The following FRRS1 variants were observed in gnomAD, a reference collection of about 807,000 sequenced individuals.
FRRS1 encodes the protein ferric reductase 1.
In FRRS1, 51 loss-of-function variants were observed where a neutral mutation model predicts 70.7. The ratio of observed to expected loss-of-function variants is 0.72; its 90% confidence interval spans 0.58 to 0.91. FRRS1 has a LOEUF of 0.91. Among genes scored for constraint, FRRS1 ranks in the 40% least tolerant of loss-of-function variants. FRRS1 has a pLI of 0.00. For missense variants in FRRS1, 672 were observed against 726.0 expected, an observed-to-expected ratio of 0.93 and a Z score of 0.86; for synonymous variants, 225 against 238.7, an observed-to-expected ratio of 0.94 and a Z score of 0.53.
intron 10 of FRRS1, 61 bp from the exon 11 acceptor site, chr1:99,717,586 GA>G (rs1654598434): frequency 8.9e-7 from 1 of 1,125,830 alleles, no homozygotes; most frequent in Non-Finnish European, 1.4e-6. Context: ...TCGCTTAAAT[GA>G]CCAAGCCAAA....
chr1:99,755,191 C>T (rs2172566), intron 1 of FRRS1, among the ~76,000 whole-genome samples: 2 of 151,740 alleles, frequency 1.3e-5, no homozygotes, highest in East Asian at 1.9e-4. Flanking sequence ...AGACTAAAGC[C>T]GGAGAATTAC....
chr1:99,742,028 TC>T (rs980863827), intron 5 of FRRS1, 150 bp downstream of exon 5: 1 of 541,820 alleles, frequency 1.8e-6, no homozygotes, highest in Non-Finnish European at 3.3e-6. Context: ...AACTTTTTTT[TC>T]CTTTTTTTAG....
In FRRS1 at chr1:99,740,910, G is replaced by T; in HGVS notation, c.459C>A (p.Tyr153Ter). The T allele has an allele frequency of 6.2e-7, 1 of 1,610,014 alleles. No individual in the cohort carries two copies. Among genetic ancestry groups the T allele is most frequent in the Non-Finnish European group, 8.5e-7 (1 of 1,176,294 alleles). ...LVTVVEKYKI[Y>*]WVKIPGPIIS... is the part of the protein sequence containing the mutation. ...TTATAGGACCAGGAATCTTCACCCA[G>T]TAGATTTTATACTTCTCAACAACTG... The change falls in exon 6 of 17, where the codon TAC (tyrosine) becomes TAA (stop). Residue 153 changes from tyrosine (Y) to a stop codon, truncating the protein, a stop_gained. Coordinates refer to ENST00000646001, the MANE Select transcript of FRRS1 (RefSeq NM_001361041.2). LOFTEE classifies it high-confidence loss of function.
At chr1:99,744,575 T>G (rs1656146304) in intron 4 of FRRS1, among the ~76,000 whole-genome samples, 1 of 151,804 alleles carries the variant, frequency 6.6e-6, no homozygotes, top group African/African-American at 2.4e-5. Flanking sequence ...TCACCTGAGG[T>G]CGGGTGTTCA....
chr1:99,706,480 A>G lies in FRRS1; in HGVS notation c.*2548T>C, dbSNP rs1327177459. 6.6e-6 allele frequency among the ~76,000 whole-genome samples: 1 copy of G among 152,216 alleles called. No individual in the cohort carries two copies. The highest frequency in any genetic ancestry group is 1.5e-5 in the Non-Finnish European group (1 of 68,038). On this transcript the variant is annotated 3_prime_UTR_variant, in exon 17 of 17. Coordinates refer to ENST00000646001, the MANE Select transcript of FRRS1 (RefSeq NM_001361041.2). ...CTGTATGTAAGTTGGCAAAGACCAA[A>G]ATAGTGCCAACATATGAAGCACTGA...
In FRRS1 at chr1:99,766,324, A is replaced by G. The variant is rs530695653; in HGVS notation, c.-106+283T>C. 2.7e-4 allele frequency among the ~76,000 whole-genome samples: 41 copies of G among 152,336 alleles called. No individual in the cohort carries two copies. In the South Asian group the frequency reaches 4.1e-3, roughly 15 times the overall value. On this transcript the variant is annotated intron_variant, in intron 1 of 16. Coordinates refer to ENST00000646001, the MANE Select transcript of FRRS1 (RefSeq NM_001361041.2). ...AAAAACTCCTGCAAGAATAAAGTCA[A>G]TGATTTTCAGGATCCCAAACACGTC...
At chr1:99,712,663 C>T (rs1654325986) in intron 12 of FRRS1, 148 bp from the exon 13 acceptor site, 1 of 545,394 alleles carries the variant, frequency 1.8e-6, no homozygotes, top group South Asian at 2.8e-5. Context: ...ATGCAACATT[C>T]ACTGAGTATA....
intron 9 of FRRS1, among the ~76,000 whole-genome samples, chr1:99,720,880 C>G (rs2100920501): frequency 7.7e-6 from 1 of 129,502 alleles, no homozygotes; most frequent in African/African-American, 3.2e-5. Flanking sequence ...CACACACACA[C>G]ACAGAAATCA....
At chr1:99,720,302 T>C (rs1038101720) in intron 9 of FRRS1, among the ~76,000 whole-genome samples, 4 of 151,772 alleles carry the variant, frequency 2.6e-5, no homozygotes, top group Non-Finnish European at 4.4e-5. Context: ...CTGTGTGTGT[T>C]CTTTCTAGGA....
chr1:99,720,352 G>C (rs963784002), intron 9 of FRRS1, among the ~76,000 whole-genome samples: 1 of 152,038 alleles, frequency 6.6e-6, no homozygotes, highest in Non-Finnish European at 1.5e-5. Flanking sequence ...AATGTTTATA[G>C]CAATGTTTTC....
At chr1:99,740,424 A>G (rs762201347) in intron 6 of FRRS1, among the ~76,000 whole-genome samples, 2 of 152,224 alleles carry the variant, frequency 1.3e-5, no homozygotes, top group Non-Finnish European at 2.9e-5. Flanking sequence ...ACTACCCAGC[A>G]CAGCTACTTC....
chr1:99,749,256 C>T (rs191839734), intron 1 of FRRS1, among the ~76,000 whole-genome samples: 90 of 152,230 alleles, frequency 5.9e-4, no homozygotes, highest in African/African-American at 1.9e-3. Context: ...GAACTCCTGA[C>T]CTTAGGTGAT....
At position 99,706,862 on chromosome 1, in the gene FRRS1, A is replaced by C. The variant is rs2100890502; in HGVS notation, c.*2166T>G. 6.6e-6 allele frequency among the ~76,000 whole-genome samples: 1 copy of C among 152,020 alleles called. No homozygotes were observed. Among genetic ancestry groups the C allele is most frequent in the East Asian group, 1.9e-4 (1 of 5,186 alleles). ...AGCCAACATTGCACCACTGCACTCC[A>C]GCCTAGACAACAGAGTGAGACTTTG... is the stretch of plus-strand genomic sequence containing the variant. On this transcript the variant is annotated 3_prime_UTR_variant, in exon 17 of 17. Transcript: ENST00000646001.
At chr1:99,725,117 C>T (rs1181358543) in intron 9 of FRRS1, among the ~76,000 whole-genome samples, 1 of 151,986 alleles carries the variant, frequency 6.6e-6, no homozygotes, top group Non-Finnish European at 1.5e-5. Context: ...CAACCTAGAT[C>T]CTTCACATGC....
chr1:99,707,158 C>T lies in FRRS1; in HGVS notation c.*1870G>A, dbSNP rs1269177231. Among the ~76,000 whole-genome samples, 1 of 151,854 alleles carries T rather than the reference C, an allele frequency of 6.6e-6. No individual in the cohort carries two copies. The highest frequency in any genetic ancestry group is 1.5e-5 in the Non-Finnish European group (1 of 67,968). On this transcript the variant is annotated 3_prime_UTR_variant, in exon 17 of 17. Coordinates refer to ENST00000646001, the MANE Select transcript of FRRS1 (RefSeq NM_001361041.2). Reference sequence around the variant, plus strand: ...TAAACACCTATAAAAGGAACAAAAACTAAACTTCCACATTATTTTACCCAG... The same window carrying T: ...TAAACACCTATAAAAGGAACAAAAATTAAACTTCCACATTATTTTACCCAG...
intron 7 of FRRS1, among the ~76,000 whole-genome samples, chr1:99,735,185 C>T (rs1328426202): frequency 6.6e-6 from 1 of 152,148 alleles, no homozygotes; most frequent in Non-Finnish European, 1.5e-5. Context: ...TGATATTATT[C>T]AAGGAACTGC....
intron 7 of FRRS1, among the ~76,000 whole-genome samples, chr1:99,735,650 C>T (rs747055047): frequency 2.6e-5 from 4 of 152,162 alleles, no homozygotes; most frequent in Non-Finnish European, 4.4e-5. Flanking sequence ...AAATCAACTG[C>T]ACCTGCGTAA....
Position 99,707,949 on chromosome 1 carries a change from C to A in FRRS1, c.*1079G>T, listed in dbSNP as rs1654077855. 6.6e-6 allele frequency among the ~76,000 whole-genome samples: 1 copy of A among 152,118 alleles called. No individual in the cohort carries two copies. Among genetic ancestry groups the A allele is most frequent in the African/African-American group, 2.4e-5 (1 of 41,420 alleles). The stretch of plus-strand genomic sequence containing the variant: ...ACAAGGGTTTTATCAATTTTGAAAT[C>A]CAAGTGTATAATCCCCAAATGCTGT... On this transcript the variant is annotated 3_prime_UTR_variant, in exon 17 of 17. Coordinates refer to ENST00000646001, the MANE Select transcript of FRRS1 (RefSeq NM_001361041.2).
chr1:99,732,254 C>G (rs888970312), intron 7 of FRRS1, among the ~76,000 whole-genome samples: 1 of 152,100 alleles, frequency 6.6e-6, no homozygotes, highest in African/African-American at 2.4e-5. Context: ...AGTTTGAAAG[C>G]ATAAAAGTAC....
Sources: gnomAD v4.1 joint callset for allele counts (sites outside exome capture counted in the v4.1 genomes callset) on GRCh38, gnomAD v4.1.1 for gene constraint, MANE v1.5 for transcripts, NCBI Gene and HGNC (gene_info 2026-07-23, HGNC 2026-07-21) for gene names.